AGXT2: variants seen among roughly 807,000 people sequenced by gnomAD.
AGXT2 encodes alanine--glyoxylate aminotransferase 2.
In AGXT2, 61 loss-of-function variants were observed where a neutral mutation model predicts 62.5. The ratio of observed to expected loss-of-function variants is 0.98; its 90% CI spans 0.79 to 1.21. AGXT2 has a LOEUF of 1.21. Ranked by LOEUF, AGXT2 falls within the 50% of genes most tolerant of loss-of-function variation. The pLI is 0.00. For missense variants in AGXT2, 666 were observed against 641.5 expected (o/e 1.04, Z -0.41); for synonymous variants, 243 against 218.7 (o/e 1.11, Z -0.98).
At chr5:35,024,960 A>G (rs974982946) in intron 9 of AGXT2, among the ~76,000 whole-genome samples, 3 of 152,184 alleles carry the variant, frequency 2.0e-5, no homozygotes, top group African/African-American at 7.2e-5. Flanking sequence ...ACAAGAAAGA[A>G]ATTCTGTCTC....
intron 5 of AGXT2, among the ~76,000 whole-genome samples, 179 bp from the exon 6 acceptor site, chr5:35,033,732 G>A (rs958606834): frequency 2.4e-4 from 7 of 29,446 alleles, no homozygotes; most frequent in Non-Finnish European, 7.7e-4. Flanking sequence ...TTTTCTAACT[G>A]TTGTTAGAAA....
At chr5:35,027,571 T>G (rs1384588735) in intron 7 of AGXT2, among the ~76,000 whole-genome samples, 1 of 152,160 alleles carries the variant, frequency 6.6e-6, no homozygotes, top group Non-Finnish European at 1.5e-5. Flanking sequence ...CATATTCATT[T>G]TATAGCCTAT....
At chr5:35,047,718 C>T in intron 1 of AGXT2, 87 bp downstream of exon 1, 1 of 1,525,906 alleles carries the variant, frequency 6.6e-7, no homozygotes, top group Middle Eastern at 2.2e-4. Flanking sequence ...TCTAACATTC[C>T]AGAATCCCAG....
intron 1 of AGXT2, 69 bp downstream of exon 1, chr5:35,047,736 C>CCTT: frequency 6.4e-7 from 1 of 1,573,606 alleles, no homozygotes; most frequent in Non-Finnish European, 8.6e-7. Flanking sequence ...CAGGCAGCAG[C>CCTT]CTTCGGAGCT....
chr5:35,009,802 A>G (rs1031176570), intron 12 of AGXT2, among the ~76,000 whole-genome samples, 198 bp downstream of exon 12: 2 of 152,056 alleles, frequency 1.3e-5, no homozygotes, highest in African/African-American at 2.4e-5. Context: ...GCTCTCCCTC[A>G]TCCCTCTAGA....
intron 1 of AGXT2, among the ~76,000 whole-genome samples, chr5:35,044,421 C>A (rs1768107292): frequency 6.6e-6 from 1 of 152,236 alleles, no homozygotes; most frequent in Non-Finnish European, 1.5e-5. Context: ...CCGCTCCGGA[C>A]ATGATCTCTC....
Position 35,014,052 on chromosome 5 carries a change from TCAGG to T in AGXT2, c.1027_1030del (p.Pro343ThrfsTer19). On this transcript the variant is annotated frameshift_variant, in exon 10 of 14. Coordinates refer to ENST00000231420, the MANE Select transcript of AGXT2 (RefSeq NM_031900.4). LOFTEE classifies it high-confidence loss of function. ...AATCCCTTTAGCCATGGTGACAATG[TCAGG>T]CAGGACATCGTGGGTTTGGAAGCCC... 1 of 1,614,132 alleles carries T rather than the reference TCAGG, an allele frequency of 6.2e-7. No homozygotes were observed. The highest frequency in any genetic ancestry group is 1.3e-5 in the African/African-American group (1 of 75,044).
At chr5:35,012,672 C>A in intron 11 of AGXT2, 2 of 422,340 alleles carry the variant, frequency 4.7e-6, no homozygotes, top group Non-Finnish European at 8.8e-6. Context: ...AAATCACTAC[C>A]AAGATAACAA....
chr5:35,031,124 G>T (rs1561228357), intron 7 of AGXT2, among the ~76,000 whole-genome samples: 1 of 152,136 alleles, frequency 6.6e-6, no homozygotes, highest in Non-Finnish European at 1.5e-5. Flanking sequence ...TTCAGCTTGG[G>T]TTTATCTTGA....
At chr5:35,033,379 C>T in intron 6 of AGXT2, 81 bp downstream of exon 6, 1 of 1,137,098 alleles carries the variant, frequency 8.8e-7, no homozygotes. Context: ...AGTTTCTAAT[C>T]CTTATACCAG....
intron 8 of AGXT2, chr5:35,026,095 G>T (rs2112244004): frequency 5.0e-6 from 3 of 594,066 alleles, no homozygotes; most frequent in South Asian, 4.1e-5. Context: ...TAGAATAAAA[G>T]AAATTGGTGA....
At chr5:35,043,110 A>G (rs1768049972) in intron 1 of AGXT2, among the ~76,000 whole-genome samples, 1 of 152,212 alleles carries the variant, frequency 6.6e-6, no homozygotes, top group Admixed American at 6.5e-5. Context: ...GTTCACTGCA[A>G]CTTTATTTTC....
intron 3 of AGXT2, 31 bp from the exon 4 acceptor site, chr5:35,037,096 A>G: frequency 6.2e-7 from 1 of 1,613,042 alleles, no homozygotes; most frequent in African/African-American, 1.3e-5. Flanking sequence ...AGTTACCTGC[A>G]CTGCGTGCCA....
At chr5:35,028,274 G>C (rs1221277502) in intron 7 of AGXT2, among the ~76,000 whole-genome samples, 1 of 152,122 alleles carries the variant, frequency 6.6e-6, no homozygotes, top group Non-Finnish European at 1.5e-5. Flanking sequence ...TTCCACTGGA[G>C]AAAACCCAGG....
At chr5:35,040,000 TGTAA>T (rs968872771) in intron 2 of AGXT2, among the ~76,000 whole-genome samples, 8 of 152,052 alleles carry the variant, frequency 5.3e-5, no homozygotes, top group Admixed American at 1.3e-4. Context: ...ATTTCTAACC[TGTAA>T]GTATCATGTC....
intron 12 of AGXT2, among the ~76,000 whole-genome samples, chr5:35,006,587 T>C (rs1310356839): frequency 6.6e-6 from 1 of 152,146 alleles, no homozygotes; most frequent in East Asian, 1.9e-4. Flanking sequence ...TGATGAGGAA[T>C]CCGCCCCCAT....
chr5:35,011,642 G>A (rs1461924404), intron 11 of AGXT2, among the ~76,000 whole-genome samples: 7 of 151,806 alleles, frequency 4.6e-5, no homozygotes, highest in Admixed American at 3.3e-4. Context: ...CAAGTTCATG[G>A]TCGAAAATCA....
At chr5:35,001,984 TA>T (rs1019866352) in intron 13 of AGXT2, among the ~76,000 whole-genome samples, 6 of 151,880 alleles carry the variant, frequency 4.0e-5, no homozygotes, top group African/African-American at 4.8e-5. Context: ...TTTTTGCAAT[TA>T]AAAAAAATCA....
Position 35,026,252 on chromosome 5 carries a change from A to G in AGXT2, c.870+158T>C, listed in dbSNP as rs574860701. 120 of 696,668 alleles carry G rather than the reference A, an allele frequency of 1.7e-4. No individual in the cohort carries two copies. In the African/African-American group the frequency reaches 2.0e-3, roughly 12 times the overall value. 43.2% of individuals were successfully genotyped at this position (696,668 alleles called of 1,614,324 possible). On this transcript the variant is annotated intron_variant, in intron 8 of 13. Coordinates refer to ENST00000231420, the MANE Select transcript of AGXT2 (RefSeq NM_031900.4). ...AGAGGGTTTTTAAAAGGTCATTTGAAAGTCAGCGTCTTCTTTTTTCAAGGA... is the reference window on the plus strand; with the variant it reads ...AGAGGGTTTTTAAAAGGTCATTTGAGAGTCAGCGTCTTCTTTTTTCAAGGA...
Sources: gnomAD v4.1 joint callset for allele counts (sites outside exome capture counted in the v4.1 genomes callset) on GRCh38, gnomAD v4.1.1 for gene constraint, MANE v1.5 for transcripts, NCBI Gene and HGNC (gene_info 2026-07-23, HGNC 2026-07-21) for gene names.